NUDT1: variants seen among roughly 807,000 people sequenced by gnomAD.
NUDT1 encodes the protein nudix hydrolase 1.
Under a neutral mutation model 11.3 loss-of-function variants are expected in NUDT1, and 16 were observed. The ratio of observed to expected loss-of-function variants is 1.41; its 90% CI spans 0.96 to 2.15. The LOEUF (loss-of-function observed/expected upper bound fraction) is 2.15, where lower values mean the gene tolerates loss of function less well. Ranked by LOEUF, NUDT1 falls within the 30% of genes most tolerant of loss-of-function variation. The pLI is 0.00. For synonymous variants in NUDT1, 101 were observed against 84.4 expected (o/e 1.20, Z -1.08); for missense variants, 234 against 208.4 (o/e 1.12, Z -0.76).
intron 2 of NUDT1, among the ~76,000 whole-genome samples, chr7:2,245,585 CT>C (rs1381645962): frequency 6.6e-6 from 1 of 152,130 alleles, no homozygotes; most frequent in African/African-American, 2.4e-5. Context: ...ATTCATTTCT[CT>C]TTTTTTCTCC....
intron 1 of NUDT1, chr7:2,242,657 C>G (rs967011127): frequency 5.4e-6 from 2 of 369,508 alleles, no homozygotes; most frequent in African/African-American, 4.1e-5. Context: ...GAAAGGTTCC[C>G]TTGTCCTCCT....
intron 3 of NUDT1, 44 bp downstream of exon 3, chr7:2,250,046 C>T: frequency 6.2e-7 from 1 of 1,605,876 alleles, no homozygotes; most frequent in Middle Eastern, 1.7e-4. Context: ...TATGCGGGTC[C>T]CATCTCCTGG....
chr7:2,247,748 G>C (rs1237555490), intron 2 of NUDT1, among the ~76,000 whole-genome samples: 1 of 152,258 alleles, frequency 6.6e-6, no homozygotes, highest in Non-Finnish European at 1.5e-5. Context: ...CTTCAGCTCT[G>C]TCTCCCGGCG....
chr7:2,242,480 G>A, intron 1 of NUDT1: 1 of 472,812 alleles, frequency 2.1e-6, no homozygotes, highest in Non-Finnish European at 3.7e-6. Flanking sequence ...GGAGGCTTGG[G>A]GGAGACCAGG....
rs35066408 is a variant in NUDT1 at position 2,248,856 on chromosome 7, C to A, written c.153-1001C>A. 6.6e-3 allele frequency among the ~76,000 whole-genome samples: 1,001 copies of A among 152,272 alleles called. 10 individuals carry two copies. The highest frequency in any genetic ancestry group is 0.011 in the Admixed American group (170 of 15,292). On this transcript the variant is annotated intron_variant, in intron 2 of 3. Coordinates refer to ENST00000356714, the MANE Select transcript of NUDT1 (RefSeq NM_002452.4). ...CAGGCATGAGCCACCCTGCACCCAA[C>A]CTGTTTGCATTTTTATTTTTTAACT... is the stretch of plus-strand genomic sequence containing the variant.
At chr7:2,244,015 G>A (rs1161355702) in intron 1 of NUDT1, among the ~76,000 whole-genome samples, 2 of 152,164 alleles carry the variant, frequency 1.3e-5, no homozygotes, top group African/African-American at 4.8e-5. Context: ...GACTAGCCGG[G>A]CCTGGCTGGG....
intron 2 of NUDT1, among the ~76,000 whole-genome samples, chr7:2,245,418 C>T (rs1230209866): frequency 6.6e-6 from 1 of 152,178 alleles, no homozygotes; most frequent in Admixed American, 6.5e-5. Context: ...AAAGCCAGGA[C>T]GCTGCAGCCT....
chr7:2,250,728 G>A, intron 3 of NUDT1, 101 bp from the exon 4 acceptor site: 6 of 1,120,934 alleles, frequency 5.4e-6, no homozygotes, highest in Non-Finnish European at 8.0e-6. Context: ...AAAGTGCTGG[G>A]ATTACAGGCG....
chr7:2,246,858 C>G (rs551443120), intron 2 of NUDT1, among the ~76,000 whole-genome samples: 51 of 152,262 alleles, frequency 3.3e-4, no homozygotes, highest in African/African-American at 1.0e-3. Flanking sequence ...CTCACGGGAT[C>G]CACCCGCCTC....
intron 2 of NUDT1, among the ~76,000 whole-genome samples, chr7:2,248,547 CTTTTTTTTTTTTT>C (rs11393832): frequency 8.2e-6 from 1 of 122,606 alleles, no homozygotes; most frequent in Non-Finnish European, 1.7e-5. Context: ...ATGATGTTTG[CTTTTTTTTTTTTT>C]TTTTTTTTTA....
At chr7:2,243,162 C>A in intron 1 of NUDT1, 1 of 586,598 alleles carries the variant, frequency 1.7e-6, no homozygotes, top group Non-Finnish European at 3.1e-6. Context: ...GGTGTGCTTT[C>A]CACGTCCTCT....
chr7:2,242,921 C>G (rs1046529412), intron 1 of NUDT1: 5 of 710,114 alleles, frequency 7.0e-6, no homozygotes, highest in Non-Finnish European at 1.3e-5. Flanking sequence ...TTCTGTATCC[C>G]TAGGTTTCTT....
At chr7:2,250,724 C>G in intron 3 of NUDT1, 105 bp from the exon 4 acceptor site, 1 of 1,039,914 alleles carries the variant, frequency 9.6e-7, no homozygotes, top group Non-Finnish European at 1.5e-6. Context: ...TCCCAAAGTG[C>G]TGGGATTACA....
rs1377123533 is a variant in NUDT1 at position 2,251,046 on chromosome 7, C to G, written c.*45C>G. 5 of 1,600,342 alleles carry G rather than the reference C, an allele frequency of 3.1e-6. No homozygotes were observed. Among genetic ancestry groups the G allele is most frequent in the Non-Finnish European group, 4.3e-6 (5 of 1,169,092 alleles). On this transcript the variant is annotated 3_prime_UTR_variant, in exon 4 of 4. Transcript: ENST00000356714. Reference sequence around the variant, plus strand: ...CTGGGCAGGAGACGTGGCTGCTGAACAGCCGCAAACCATCTTCACCTGGGG... The same window carrying G: ...CTGGGCAGGAGACGTGGCTGCTGAAGAGCCGCAAACCATCTTCACCTGGGG...
chr7:2,249,720 G>A, intron 2 of NUDT1, 137 bp from the exon 3 acceptor site: 2 of 1,019,586 alleles, frequency 2.0e-6, no homozygotes, highest in Non-Finnish European at 1.5e-6. Context: ...CATTCTAGGG[G>A]ACATCCTCCT....
At chr7:2,250,521 A>T (rs1028023151) in intron 3 of NUDT1, among the ~76,000 whole-genome samples, 1 of 152,166 alleles carries the variant, frequency 6.6e-6, no homozygotes, top group Non-Finnish European at 1.5e-5. Flanking sequence ...GCAATGGCGC[A>T]ATCTCGGCTC....
chr7:2,244,976 CGT>C (rs1162976417), intron 2 of NUDT1, among the ~76,000 whole-genome samples: 2 of 152,128 alleles, frequency 1.3e-5, no homozygotes, highest in African/African-American at 2.4e-5. Flanking sequence ...GTGCTGAGTG[CGT>C]GTTAGCTGTT....
intron 2 of NUDT1, among the ~76,000 whole-genome samples, chr7:2,247,016 A>AG (rs34333690): frequency 0.22 from 32,937 of 152,080 alleles, 3,718 homozygotes; most frequent in Middle Eastern, 0.31. Context: ...GCTGGTGCTT[A>AG]GGGGTCCCAG....
rs1206808465 is a variant in NUDT1, at chr7:2,244,835, C to G, written c.152+109C>G. On this transcript the variant is annotated intron_variant, in intron 2 of 3. Transcript: ENST00000356714. ...CCACTAAGAGCTAAGTGACCTGGAGCAGGGGGTTAAGCGTGAGCCTCAGTG... is the reference window on the plus strand; with the variant it reads ...CCACTAAGAGCTAAGTGACCTGGAGGAGGGGGTTAAGCGTGAGCCTCAGTG... 8.1e-6 allele frequency: 11 copies of G among 1,357,360 alleles called. No homozygotes were observed. The African/African-American group carries it at 1.4e-4, about 18-fold the overall frequency. 84.1% of individuals were successfully genotyped at this position (1,357,360 alleles called of 1,614,324 possible).
Sources: allele counts gnomAD v4.1 joint callset (sites outside exome capture counted in the v4.1 genomes callset), GRCh38; gene constraint gnomAD v4.1.1; transcripts MANE v1.5; gene names NCBI Gene and HGNC (gene_info 2026-07-23, HGNC 2026-07-21).